The following ZNF738 variants were observed in gnomAD, a reference collection of about 807,000 sequenced individuals.
The protein encoded by ZNF738 is zinc finger protein 738.
A neutral mutation model predicts 9.2 loss-of-function variants in ZNF738; 10 were observed. The ratio of observed to expected loss-of-function variants is 1.09; its 90% CI spans 0.67 to 1.85. The LOEUF is 1.85. Among genes scored for constraint, ZNF738 ranks in the 40% most tolerant of loss-of-function variants. The pLI is 0.00. For synonymous variants in ZNF738, 113 were observed against 94.5 expected, an observed-to-expected ratio of 1.20 and a Z score of -1.14; for missense variants, 346 against 283.6, an observed-to-expected ratio of 1.22 and a Z score of -1.58.
chr19:21,362,297 G>A (rs898864032), intron 2 of ZNF738, among the ~76,000 whole-genome samples: 3 of 151,990 alleles, frequency 2.0e-5, no homozygotes, highest in Non-Finnish European at 4.4e-5. Flanking sequence ...AAGAAAAAGA[G>A]TAAAAAACAG....
Position 21,383,661 on chromosome 19 carries a change from A to G in ZNF738, c.1115A>G (p.Tyr372Cys). The change falls in exon 5 of 5, where the codon TAC (tyrosine) becomes TGC (cysteine). Residue 372 changes from tyrosine (Y) to cysteine (C), a missense_variant. Physicochemically the swap from Tyr to Cys is radical, Grantham distance 194 (BLOSUM62 -2). Coordinates refer to ENST00000683779, the MANE Select transcript of ZNF738 (RefSeq NM_001355237.2). Reference sequence around the variant, plus strand: ...ATAATTCATACTGGAGAGAAACCCTACAAATGTGAATAATGTGGCAAAGCC... The same window carrying G: ...ATAATTCATACTGGAGAGAAACCCTGCAAATGTGAATAATGTGGCAAAGCC... ...HKIIHTGEKP[Y>C]KCE 6.1e-6 allele frequency: 6 copies of G among 976,870 alleles called. No homozygotes were observed. The highest frequency in any genetic ancestry group is 1.6e-5 in the African/African-American group (1 of 63,286). The allele number at this position is 976,870 out of a possible 1,614,324, so 60.5% of individuals were successfully genotyped here.
chr19:21,384,226 T>TTTGACTGGGTGCGGTGGC lies in ZNF738; in HGVS notation c.*553_*554insTGACTGGGTGCGGTGGCT. On this transcript the variant is annotated 3_prime_UTR_variant, in exon 5 of 5. Coordinates refer to ENST00000683779, the MANE Select transcript of ZNF738 (RefSeq NM_001355237.2). ...TCACGCCTTACTACACATAAGAGAA[T>TTTGACTGGGTGCGGTGGC]TCATACTGGTGAGAAACCCTACAAA... The TTTGACTGGGTGCGGTGGC allele has an allele frequency of 7.1e-7, 1 of 1,406,694 alleles. No homozygotes were observed. The highest frequency in any genetic ancestry group is 1.0e-6 in the Non-Finnish European group (1 of 997,474). 87.1% of individuals were successfully genotyped at this position (1,406,694 alleles called of 1,614,324 possible). A position where few individuals can be genotyped will look rare whatever the true frequency, so the allele number is the denominator to read the frequency against.
Position 21,377,534 on chromosome 19 carries a change from A to AC in ZNF738, c.319+1570_319+1571insC, listed in dbSNP as rs59117145. On this transcript the variant is annotated intron_variant, in intron 4 of 4. Transcript: ENST00000683779. ...CGTGCACACACACACACACACACAC[A>AC]AAATTTGTCATAGGTTCCCAGTTAA... The AC allele has an allele frequency of 3.4e-3, 1,921 of 557,360 alleles. 4 individuals are homozygous for AC. Among genetic ancestry groups the AC allele is most frequent in the Non-Finnish European group, 5.0e-3 (1,548 of 312,132 alleles). 34.5% of individuals were successfully genotyped at this position (557,360 alleles called of 1,614,324 possible).
intron 4 of ZNF738, chr19:21,381,895 A>C (rs906487097): frequency 3.0e-5 from 8 of 266,442 alleles, no homozygotes; most frequent in Non-Finnish European, 1.5e-5. Context: ...CAGCCTGGAC[A>C]GTTGCCTGGA....
chr19:21,383,269 T>G lies in ZNF738; in HGVS notation c.723T>G (p.Phe241Leu), dbSNP rs1974027528. ...AATGTGAAGAATGTGGCAAAGCCTT[T>G]AAATGGTTCTCAACCCTTACTAGAC... is the stretch of plus-strand genomic sequence containing the variant. The part of the protein sequence containing the change: ...SYQCEECGKA[F>L]KWFSTLTRHK... The change falls in exon 5 of 5, where the codon TTT (phenylalanine) becomes TTG (leucine). Residue 241 changes from phenylalanine (F) to leucine (L), a missense_variant. Coordinates refer to ENST00000683779, the MANE Select transcript of ZNF738 (RefSeq NM_001355237.2). 1.3e-6 allele frequency: 2 copies of G among 1,577,912 alleles called. No individual in the cohort carries two copies. Among genetic ancestry groups the G allele is most frequent in the Non-Finnish European group, 1.7e-6 (2 of 1,150,368 alleles).
At chr19:21,367,186 A>T (rs1973794347) in intron 2 of ZNF738, among the ~76,000 whole-genome samples, 1 of 152,202 alleles carries the variant, frequency 6.6e-6, no homozygotes, top group African/African-American at 2.4e-5. Flanking sequence ...TACTAGGGTT[A>T]TGTATGTGTT....
At position 21,383,709 on chromosome 19, in the gene ZNF738, C is replaced by T. The variant is rs917975201; in HGVS notation, c.*35C>T. The T allele has an allele frequency of 3.7e-5, 38 of 1,026,160 alleles. No homozygotes were observed. In the Admixed American group the frequency reaches 6.5e-4, roughly 17 times the overall value. 63.6% of individuals were successfully genotyped at this position (1,026,160 alleles called of 1,614,324 possible). The stretch of plus-strand genomic sequence containing the variant: ...GCCTTTAATGTATTCGCAACCCTTA[C>T]TAGACATAAGATAATTCATACTGAA... On this transcript the variant is annotated 3_prime_UTR_variant, in exon 5 of 5. Coordinates refer to ENST00000683779, the MANE Select transcript of ZNF738 (RefSeq NM_001355237.2).
rs1277033858 is a variant in ZNF738 at position 21,385,003 on chromosome 19, A to G, written c.*1329A>G. Among the ~76,000 whole-genome samples the G allele has an allele frequency of 2.6e-5, 4 of 152,272 alleles. No individual in the cohort carries two copies. The highest frequency in any genetic ancestry group is 7.2e-5 in the African/African-American group (3 of 41,480). Reference sequence around the variant, plus strand: ...AGAATTCATGCGGAAGAGAATTTCTACAAATGTGAAGAATGTGGCAAAGGC... The same window carrying G: ...AGAATTCATGCGGAAGAGAATTTCTGCAAATGTGAAGAATGTGGCAAAGGC... On this transcript the variant is annotated 3_prime_UTR_variant, in exon 5 of 5. Transcript: ENST00000683779.
intron 1 of ZNF738, among the ~76,000 whole-genome samples, chr19:21,359,902 A>G (rs575840929): frequency 2.5e-4 from 38 of 152,284 alleles, no homozygotes; most frequent in African/African-American, 9.1e-4. Context: ...CTTATTAAAT[A>G]ATTTAATCAA....
rs8112152 is a variant in ZNF738 at position 21,362,100 on chromosome 19, A to G, written c.96+242A>G. Among the ~76,000 whole-genome samples the G allele has an allele frequency of 1.0e-3, 7 of 6,732 alleles. No homozygotes were observed. The African/African-American group carries it at 0.017, about 16-fold the overall frequency. 4.4% of individuals were successfully genotyped at this position (6,732 alleles called of 152,430 possible). A position where few individuals can be genotyped will look rare whatever the true frequency, so the allele number is the denominator to read the frequency against. ...TCCATCTAATAATAATAATAATGAT[A>G]ATAATAATAATAATAATAATAATAA... On this transcript the variant is annotated intron_variant, in intron 2 of 4. Coordinates refer to ENST00000683779, the MANE Select transcript of ZNF738 (RefSeq NM_001355237.2).
In ZNF738 at chr19:21,368,603, G is replaced by T. The variant is rs572553484; in HGVS notation, c.97-6635G>T. Among the ~76,000 whole-genome samples, 4 of 150,988 alleles carry T rather than the reference G, an allele frequency of 2.6e-5. No individual in the cohort carries two copies. In the South Asian group the frequency reaches 8.4e-4, roughly 32 times the overall value. ...CACCCGAGTAGCTGGGACTACAGGT[G>T]CATGCCACCAAGCCCTGCTAATTTT... is the stretch of plus-strand genomic sequence containing the variant. On this transcript the variant is annotated intron_variant, in intron 2 of 4. Coordinates refer to ENST00000683779, the MANE Select transcript of ZNF738 (RefSeq NM_001355237.2).
intron 2 of ZNF738, among the ~76,000 whole-genome samples, chr19:21,375,005 A>G (rs1394871798): frequency 6.6e-6 from 1 of 152,050 alleles, no homozygotes; most frequent in Non-Finnish European, 1.5e-5. Context: ...TTTATACTTT[A>G]TTGTTCATAA....
At chr19:21,374,992 G>A (rs566094047) in intron 2 of ZNF738, among the ~76,000 whole-genome samples, 27 of 152,066 alleles carry the variant, frequency 1.8e-4, no homozygotes, top group African/African-American at 5.1e-4. Context: ...CATGCCTTTC[G>A]TTTTTATACT....
chr19:21,361,665 TG>T, intron 1 of ZNF738, 100 bp from the exon 2 acceptor site: 1 of 714,496 alleles, frequency 1.4e-6, no homozygotes. Context: ...TTCCCGGTCC[TG>T]GGTTTCAGTA....
chr19:21,369,985 C>T (rs768048344), intron 2 of ZNF738, among the ~76,000 whole-genome samples: 5 of 151,872 alleles, frequency 3.3e-5, no homozygotes, highest in African/African-American at 7.3e-5. Flanking sequence ...GGCTAATTTT[C>T]GTATTTTTAG....
rs139193236 is a variant in ZNF738 at position 21,382,066 on chromosome 19, C to CTTTTT, written c.320-787_320-783dup. ...AATTTACTTCTTTTTTTCTTTCTTTCTTTTTTTTTTTTTTTTTGAGATGTA... is the reference window on the plus strand; with the variant it reads ...AATTTACTTCTTTTTTTCTTTCTTTCTTTTTTTTTTTTTTTTTTTTTTGAGATGTA... On this transcript the variant is annotated intron_variant, in intron 4 of 4. Coordinates refer to ENST00000683779, the MANE Select transcript of ZNF738 (RefSeq NM_001355237.2). The CTTTTT allele has an allele frequency of 1.6e-3, 185 of 114,610 alleles. 9 individuals are homozygous for CTTTTT. Among genetic ancestry groups the CTTTTT allele is most frequent in the East Asian group, 9.9e-3 (40 of 4,058 alleles). The allele number at this position is 114,610 out of a possible 1,614,324, so 7.1% of individuals were successfully genotyped here.
chr19:21,368,459 CT>C lies in ZNF738; in HGVS notation c.96+6610del, dbSNP rs567976356. 4.6e-5 allele frequency among the ~76,000 whole-genome samples: 7 copies of C among 151,130 alleles called. No homozygotes were observed. The East Asian group carries it at 5.8e-4, about 13-fold the overall frequency. On this transcript the variant is annotated intron_variant, in intron 2 of 4. Coordinates refer to ENST00000683779, the MANE Select transcript of ZNF738 (RefSeq NM_001355237.2). The stretch of plus-strand genomic sequence containing the variant: ...GTTTGCTTGTTTTTTGAGACAAACT[CT>C]TTTTTTTTCTTTTTTTTGAGACGTA...
intron 2 of ZNF738, among the ~76,000 whole-genome samples, chr19:21,363,966 G>A (rs934827714): frequency 6.6e-6 from 1 of 151,694 alleles, no homozygotes; most frequent in African/African-American, 2.4e-5. Context: ...TGAGGCTGAG[G>A]CGGGCATACC....
rs1974053093 is a variant in ZNF738 at position 21,385,194 on chromosome 19, T to C, written c.*1520T>C. On this transcript the variant is annotated 3_prime_UTR_variant, in exon 5 of 5. Coordinates refer to ENST00000683779, the MANE Select transcript of ZNF738 (RefSeq NM_001355237.2). Reference sequence around the variant, plus strand: ...GAGTTTGACTGGGTGCGGTGGCTCATGCCTGTAATCCCAGCACTTTGGGAG... The same window carrying C: ...GAGTTTGACTGGGTGCGGTGGCTCACGCCTGTAATCCCAGCACTTTGGGAG... Among the ~76,000 whole-genome samples, 1 of 152,154 alleles carries C rather than the reference T, an allele frequency of 6.6e-6. No homozygotes were observed. Among genetic ancestry groups the C allele is most frequent in the Non-Finnish European group, 1.5e-5 (1 of 68,020 alleles).
Sources: gnomAD v4.1 joint callset for allele counts (sites outside exome capture counted in the v4.1 genomes callset) on GRCh38, gnomAD v4.1.1 for gene constraint, MANE v1.5 for transcripts, NCBI Gene and HGNC (gene_info 2026-07-23, HGNC 2026-07-21) for gene names.